Variants in LRBA observed in about 807,000 individuals in gnomAD.
The protein encoded by LRBA is LPS responsive beige-like anchor protein.
In LRBA, 176 loss-of-function variants were observed where a neutral mutation model predicts 330.0. The observed-to-expected ratio is 0.53, with a 90% CI of 0.47 to 0.60. The LOEUF is 0.60. Ranked by LOEUF, LRBA falls within the 20% of genes least tolerant of loss-of-function variation. The pLI is 0.00. For missense variants in LRBA, 3,259 were observed against 3,444.8 expected (o/e 0.95, Z 1.35); for synonymous variants, 1,230 against 1,193.0 (o/e 1.03, Z -0.64).
chr4:150,729,462 TAAA>T (rs1197150965), intron 36 of LRBA, among the ~76,000 whole-genome samples: 1 of 151,990 alleles, frequency 6.6e-6, no homozygotes, highest in Non-Finnish European at 1.5e-5. Context: ...ATCTCTATAA[TAAA>T]AACTATAAAT....
At chr4:150,446,870 A>AT (rs1752678826) in intron 44 of LRBA, among the ~76,000 whole-genome samples, 1 of 152,120 alleles carries the variant, frequency 6.6e-6, no homozygotes, top group South Asian at 2.1e-4. Context: ...GAGAACTTAC[A>AT]TTTTACCCTT....
At chr4:150,948,130 T>C (rs1736431204) in intron 2 of LRBA, among the ~76,000 whole-genome samples, 1 of 152,044 alleles carries the variant, frequency 6.6e-6, no homozygotes, top group East Asian at 1.9e-4. Context: ...AAAAGATTAT[T>C]GTATGATTTA....
chr4:150,988,992 T>C (rs1741771125), intron 2 of LRBA, among the ~76,000 whole-genome samples: 1 of 151,654 alleles, frequency 6.6e-6, no homozygotes, highest in Non-Finnish European at 1.5e-5. Flanking sequence ...TATAAAGTGT[T>C]TGTTTTTTTG....
chr4:150,655,988 G>C (rs1780150202), intron 37 of LRBA, among the ~76,000 whole-genome samples: 1 of 152,120 alleles, frequency 6.6e-6, no homozygotes, highest in Admixed American at 6.5e-5. Context: ...CTAACTTGTA[G>C]GATCTTCACA....
intron 40 of LRBA, among the ~76,000 whole-genome samples, chr4:150,500,367 G>T (rs556512828): frequency 1.3e-5 from 2 of 152,132 alleles, no homozygotes; most frequent in African/African-American, 2.4e-5. Context: ...CCTGAGGTCA[G>T]TAGTTCAAGA....
At chr4:150,451,898 C>T (rs1313455569) in intron 44 of LRBA, among the ~76,000 whole-genome samples, 3 of 152,108 alleles carry the variant, frequency 2.0e-5, no homozygotes, top group Admixed American at 6.6e-5. Flanking sequence ...CCGAATAGCA[C>T]TTTATCTGTT....
At chr4:150,771,350 C>T (rs1736540893) in intron 34 of LRBA, among the ~76,000 whole-genome samples, 1 of 152,154 alleles carries the variant, frequency 6.6e-6, no homozygotes, top group Admixed American at 6.5e-5. Context: ...GGTATTGCCA[C>T]CTACATTCAG....
intron 40 of LRBA, among the ~76,000 whole-genome samples, chr4:150,524,874 A>C (rs1763293664): frequency 6.6e-6 from 1 of 152,156 alleles, no homozygotes; most frequent in Non-Finnish European, 1.5e-5. Context: ...TCTGAATTCT[A>C]ATCTCGCAAA....
intron 37 of LRBA, among the ~76,000 whole-genome samples, chr4:150,646,884 A>T (rs984752274): frequency 1.3e-5 from 2 of 152,126 alleles, no homozygotes; most frequent in African/African-American, 4.8e-5. Flanking sequence ...CGGTAAGTAT[A>T]ATACAAATAT....
chr4:150,403,404 G>T (rs886275596), intron 47 of LRBA, among the ~76,000 whole-genome samples: 2 of 152,150 alleles, frequency 1.3e-5, no homozygotes, highest in Non-Finnish European at 2.9e-5. Context: ...TCGCAGAAAC[G>T]ATGACTACCA....
intron 53 of LRBA, among the ~76,000 whole-genome samples, chr4:150,298,181 CAATA>C (rs1320409373): frequency 2.6e-5 from 4 of 152,036 alleles, no homozygotes; most frequent in Admixed American, 2.0e-4. Context: ...CTAGGCTTCA[CAATA>C]AAAAGGACAT....
rs1375955842 is a variant in LRBA, at chr4:150,867,685, T to G, written c.2752A>C (p.Ile918Leu). ...AAGAAACTTACCTTTGAATGAGTGATTGATAAAGTGTCTACCCATACACGC... is the reference window on the plus strand; with the variant it reads ...AAGAAACTTACCTTTGAATGAGTGAGTGATAAAGTGTCTACCCATACACGC... ...GWRVWVDTLS[I>L]THSKVTFEIH... The change falls in exon 22 of 57, where the codon ATC becomes CTC. Residue 918 changes from isoleucine (I) to leucine (L), a missense_variant. Ile to Leu is a conservative substitution (Grantham distance 5, BLOSUM62 2). Coordinates refer to ENST00000651943, the MANE Select transcript of LRBA (RefSeq NM_001364905.1). The G allele has an allele frequency of 6.2e-7, 1 of 1,607,380 alleles. No individual in the cohort carries two copies. The highest frequency in any genetic ancestry group is 1.3e-5 in the African/African-American group (1 of 74,678).
At chr4:150,414,039 T>C (rs529799474) in intron 47 of LRBA, among the ~76,000 whole-genome samples, 27 of 152,316 alleles carry the variant, frequency 1.8e-4, no homozygotes, top group African/African-American at 6.0e-4. Flanking sequence ...CATAAGACTG[T>C]GATAGAATAA....
intron 48 of LRBA, among the ~76,000 whole-genome samples, chr4:150,349,745 T>C (rs1437975913): frequency 6.6e-6 from 1 of 152,206 alleles, no homozygotes; most frequent in East Asian, 1.9e-4. Flanking sequence ...ATAAATAAGA[T>C]TATTTATACC....
At chr4:150,490,429 T>C (rs1038960458) in intron 41 of LRBA, among the ~76,000 whole-genome samples, 1 of 151,840 alleles carries the variant, frequency 6.6e-6, no homozygotes, top group African/African-American at 2.4e-5. Context: ...AATTAAATTT[T>C]AGTTCAACTT....
At chr4:150,798,021 C>A in intron 34 of LRBA, 60 bp downstream of exon 34, 1 of 1,115,620 alleles carries the variant, frequency 9.0e-7, no homozygotes, top group East Asian at 2.4e-5. Flanking sequence ...TAAAATCCCC[C>A]ATGAAAACAA....
chr4:150,814,160 G>C (rs191754167), intron 31 of LRBA, among the ~76,000 whole-genome samples: 40 of 152,174 alleles, frequency 2.6e-4, no homozygotes, highest in Admixed American at 3.3e-4. Flanking sequence ...TCAAAAAATT[G>C]TTAAGATGGA....
Position 150,928,467 on chromosome 4 carries a change from T to A in LRBA, c.549+49A>T, listed in dbSNP as rs763702812. 1.1e-5 allele frequency: 12 copies of A among 1,117,382 alleles called. No individual in the cohort carries two copies. The Admixed American group carries it at 2.1e-4, about 19-fold the overall frequency. The allele number at this position is 1,117,382 out of a possible 1,614,324, so 69.2% of individuals were successfully genotyped here. ...GTTACTTTACAAGCTACGAATGTGT[T>A]TGGGAGGAGCATACTTTAAAATACC... On this transcript the variant is annotated intron_variant, in intron 4 of 56. Transcript: ENST00000651943.
chr4:150,803,307 A>G (rs983415919), intron 33 of LRBA, among the ~76,000 whole-genome samples: 2 of 151,922 alleles, frequency 1.3e-5, no homozygotes, highest in Non-Finnish European at 2.9e-5. Context: ...CATCTAAGAT[A>G]GTTTTAAATA....
Sources: gnomAD v4.1 joint callset for allele counts (sites outside exome capture counted in the v4.1 genomes callset) on GRCh38, gnomAD v4.1.1 for gene constraint, MANE v1.5 for transcripts, NCBI Gene and HGNC (gene_info 2026-07-23, HGNC 2026-07-21) for gene names.